The following PRDM5 variants were observed in gnomAD, a reference collection of about 807,000 sequenced individuals.
The protein encoded by PRDM5 is PR/SET domain 5.
Under a neutral mutation model 81.2 loss-of-function variants are expected in PRDM5, and 56 were observed. The ratio of observed to expected loss-of-function variants is 0.69; its 90% confidence interval spans 0.56 to 0.86. The LOEUF is 0.86. PRDM5 is among the 40% of genes least tolerant of loss of function. PRDM5 has a pLI of 0.00. For missense variants in PRDM5, 697 were observed against 770.1 expected, an observed-to-expected ratio of 0.91 and a Z score of 1.12; for synonymous variants, 267 against 256.4, an observed-to-expected ratio of 1.04 and a Z score of -0.39.
intron 12 of PRDM5, among the ~76,000 whole-genome samples, chr4:120,779,065 T>C (rs2149232630): frequency 6.6e-6 from 1 of 152,278 alleles, no homozygotes; most frequent in East Asian, 1.9e-4. Flanking sequence ...CAGCATTTCT[T>C]TTGCTGCTAT....
chr4:120,715,161 C>A (rs1435930618), intron 14 of PRDM5, among the ~76,000 whole-genome samples: 2 of 152,140 alleles, frequency 1.3e-5, no homozygotes, highest in African/African-American at 4.8e-5. Context: ...GATTACCCTA[C>A]AGGTGCTGCA....
intron 13 of PRDM5, among the ~76,000 whole-genome samples, chr4:120,776,675 T>C (rs1021373462): frequency 3.3e-5 from 5 of 152,198 alleles, no homozygotes; most frequent in African/African-American, 4.8e-5. Flanking sequence ...CTTTCTTTCA[T>C]TGGAGAAATT....
In PRDM5 at chr4:120,784,527, A is replaced by G. The variant is rs187596714; in HGVS notation, c.1282+471T>C. Among the ~76,000 whole-genome samples the G allele has an allele frequency of 4.6e-5, 7 of 152,214 alleles. No homozygotes were observed. In the East Asian group the frequency reaches 1.3e-3, roughly 29 times the overall value. On this transcript the variant is annotated intron_variant, in intron 11 of 15. Coordinates refer to ENST00000264808, the MANE Select transcript of PRDM5 (RefSeq NM_018699.4). ...TATGTCATGGTGCTTTGGAGCCTCA[A>G]TATTTTGTATCCTCCTCAAATTAAG...
At chr4:120,744,398 A>G (rs539517361) in intron 14 of PRDM5, among the ~76,000 whole-genome samples, 2 of 152,306 alleles carry the variant, frequency 1.3e-5, no homozygotes, top group African/African-American at 4.8e-5. Flanking sequence ...AACACACTCA[A>G]AAGCTAGCAG....
intron 4 of PRDM5, 130 bp from the exon 5 acceptor site, chr4:120,818,657 A>T (rs1490552000): frequency 5.1e-6 from 4 of 782,782 alleles, no homozygotes; most frequent in Non-Finnish European, 8.4e-6. Flanking sequence ...TCTTATTATC[A>T]CTATAAATAT....
At chr4:120,836,514 A>C (rs1262161897) in intron 3 of PRDM5, among the ~76,000 whole-genome samples, 2 of 152,186 alleles carry the variant, frequency 1.3e-5, no homozygotes, top group Admixed American at 1.3e-4. Flanking sequence ...CTTTTAACCC[A>C]TGATTTCTCC....
In PRDM5 at chr4:120,694,002, A is replaced by G. The variant is rs183544624; in HGVS notation, c.*1109T>C. 4.1e-4 allele frequency: 63 copies of G among 152,236 alleles called. No homozygotes were observed. The highest frequency in any genetic ancestry group is 1.4e-3 in the African/African-American group (60 of 41,560). 9.4% of individuals were successfully genotyped at this position (152,236 alleles called of 1,614,324 possible). A position where few individuals can be genotyped will look rare whatever the true frequency, so the allele number is the denominator to read the frequency against. On this transcript the variant is annotated 3_prime_UTR_variant, in exon 16 of 16. Transcript: ENST00000264808. ...ATCAGTGACAGTTTCAATCATAACA[A>G]TTGCCAAGTTTGTACTTTGTATTCT... is the stretch of plus-strand genomic sequence containing the variant.
chr4:120,740,266 A>G (rs1186495549), intron 14 of PRDM5, among the ~76,000 whole-genome samples: 1 of 152,250 alleles, frequency 6.6e-6, no homozygotes, highest in African/African-American at 2.4e-5. Context: ...CCTATAGGAC[A>G]AAAGCTGATG....
At chr4:120,712,416 T>C (rs1737139481) in intron 14 of PRDM5, among the ~76,000 whole-genome samples, 1 of 152,180 alleles carries the variant, frequency 6.6e-6, no homozygotes, top group South Asian at 2.1e-4. Context: ...AAAAACAGTA[T>C]GTAAATAACC....
At chr4:120,725,944 C>A (rs541790399) in intron 14 of PRDM5, among the ~76,000 whole-genome samples, 1 of 152,112 alleles carries the variant, frequency 6.6e-6, no homozygotes, top group Non-Finnish European at 1.5e-5. Flanking sequence ...TAGCATCCCA[C>A]TGGCAGAACA....
chr4:120,710,168 A>G (rs190366620), intron 15 of PRDM5, 141 bp downstream of exon 15: 3 of 724,688 alleles, frequency 4.1e-6, no homozygotes, highest in African/African-American at 1.7e-5. Flanking sequence ...TATAAATAGC[A>G]TAAGACATTA....
At chr4:120,810,164 G>C (rs1437468089) in intron 8 of PRDM5, among the ~76,000 whole-genome samples, 4 of 152,116 alleles carry the variant, frequency 2.6e-5, no homozygotes, top group Non-Finnish European at 5.9e-5. Context: ...TGTCTTCCAG[G>C]AAAACGGTCC....
intron 15 of PRDM5, among the ~76,000 whole-genome samples, chr4:120,705,399 AAG>A (rs1735963882): frequency 1.3e-5 from 2 of 152,212 alleles, no homozygotes; most frequent in Non-Finnish European, 1.5e-5. Flanking sequence ...TAATGGAGAT[AAG>A]AGAGAAAGTA....
In PRDM5 at chr4:120,848,986, T is replaced by TA. The variant is rs1340012753; in HGVS notation, c.300+4431dup. On this transcript the variant is annotated intron_variant, in intron 3 of 15. Transcript: ENST00000264808. ...ACTTTATCATTTTGTGACAGATTCT[T>TA]AAAAAAATTCTAAAAATGCCACTTG... 4.9e-4 allele frequency among the ~76,000 whole-genome samples: 74 copies of TA among 152,172 alleles called. No individual in the cohort carries two copies. In the Middle Eastern group the frequency reaches 0.017, roughly 35 times the overall value.
chr4:120,712,302 A>G (rs1483996289), intron 14 of PRDM5, among the ~76,000 whole-genome samples: 1 of 152,124 alleles, frequency 6.6e-6, no homozygotes, highest in African/African-American at 2.4e-5. Context: ...GAAAACAAAA[A>G]CATTTTTGAA....
chr4:120,749,894 C>G (rs1168399755), intron 14 of PRDM5, among the ~76,000 whole-genome samples: 1 of 152,086 alleles, frequency 6.6e-6, no homozygotes, highest in Admixed American at 6.5e-5. Flanking sequence ...TTCTCATGCC[C>G]CAAACCTTCT....
intron 14 of PRDM5, among the ~76,000 whole-genome samples, chr4:120,730,212 T>G (rs1014825961): frequency 1.1e-4 from 17 of 152,196 alleles, no homozygotes. Flanking sequence ...TTCCCTCTTC[T>G]GTAACATGGA....
chr4:120,734,399 C>CACACACACACACACAAAT (rs1740757580), intron 14 of PRDM5, among the ~76,000 whole-genome samples: 7 of 144,856 alleles, frequency 4.8e-5, no homozygotes, highest in African/African-American at 1.9e-4. Context: ...GGAACACACA[C>CACACACACACACACAAAT]ACACACACAC....
Position 120,744,181 on chromosome 4 carries a change from C to A in PRDM5, c.1623+10372G>T, listed in dbSNP as rs540338429. ...TGAACAACGTGCTCCTGAATGACTACTGGGTACATAACGAAATGAAGGCAG... is the reference window on the plus strand; with the variant it reads ...TGAACAACGTGCTCCTGAATGACTAATGGGTACATAACGAAATGAAGGCAG... On this transcript the variant is annotated intron_variant, in intron 14 of 15. Coordinates refer to ENST00000264808, the MANE Select transcript of PRDM5 (RefSeq NM_018699.4). 1.2e-3 allele frequency among the ~76,000 whole-genome samples: 182 copies of A among 152,110 alleles called. No individual in the cohort carries two copies. In the Middle Eastern group the frequency reaches 0.017, roughly 14 times the overall value.
Sources: gnomAD v4.1 joint callset for allele counts (sites outside exome capture counted in the v4.1 genomes callset) on GRCh38, gnomAD v4.1.1 for gene constraint, MANE v1.5 for transcripts, NCBI Gene and HGNC (gene_info 2026-07-23, HGNC 2026-07-21) for gene names.